Variants in GRHL2 observed in about 807,000 individuals in gnomAD.
GRHL2 encodes the protein grainyhead like transcription factor 2, also known as grainyhead-like protein 2 homolog.
GRHL2 carries 21 observed loss-of-function variants against 83.8 expected under a neutral mutation model. The observed-to-expected ratio is 0.25, with a 90% CI of 0.18 to 0.36. The LOEUF is 0.36. Ranked by LOEUF, GRHL2 falls within the 10% of genes least tolerant of loss-of-function variation. The pLI is 1.00. For missense variants in GRHL2, 623 were observed against 781.8 expected (o/e 0.80, Z 2.42); for synonymous variants, 280 against 278.9 (o/e 1.00, Z -0.04).
At position 101,657,908 on chromosome 8, in the gene GRHL2, C is replaced by T. The variant is rs148786975; in HGVS notation, c.1699-6546C>T. ...CCAAGCACTCCAAATCACCCTGTTC[C>T]GACAGAACGATCATGTGCCACACGT... On this transcript the variant is annotated intron_variant, in intron 14 of 15. Coordinates refer to ENST00000646743, the MANE Select transcript of GRHL2 (RefSeq NM_024915.4). Among the ~76,000 whole-genome samples, 684 of 152,164 alleles carry T rather than the reference C, an allele frequency of 4.5e-3. 4 individuals carry two copies. Among genetic ancestry groups the T allele is most frequent in the African/African-American group, 0.015 (619 of 41,528 alleles).
At chr8:101,587,310 G>A (rs544616635) in intron 7 of GRHL2, among the ~76,000 whole-genome samples, 25 of 152,298 alleles carry the variant, frequency 1.6e-4, no homozygotes, top group African/African-American at 5.3e-4. Context: ...AAAAGCAGAC[G>A]ATGGATGCTT....
intron 4 of GRHL2, among the ~76,000 whole-genome samples, chr8:101,565,462 C>T (rs530554950): frequency 2.0e-5 from 3 of 152,232 alleles, no homozygotes; most frequent in African/African-American, 7.2e-5. Flanking sequence ...TTATTTCTTG[C>T]TAATAAAACA....
intron 7 of GRHL2, among the ~76,000 whole-genome samples, chr8:101,593,182 A>G (rs1438566655): frequency 6.6e-6 from 1 of 152,020 alleles, no homozygotes; most frequent in Non-Finnish European, 1.5e-5. Flanking sequence ...CTGACCTCAG[A>G]TGATCCACCT....
At chr8:101,598,706 A>G (rs1235757554) in intron 7 of GRHL2, among the ~76,000 whole-genome samples, 1 of 151,804 alleles carries the variant, frequency 6.6e-6, no homozygotes, top group African/African-American at 2.4e-5. Flanking sequence ...AGCAAAATTA[A>G]GTGGCAGAAA....
At chr8:101,680,408 G>A in the GRHL2 span, among the ~76,000 whole-genome samples, 2 of 148,932 alleles carry the variant, frequency 1.3e-5, no homozygotes, top group East Asian at 4.1e-4. Flanking sequence ...CAATACAGGA[G>A]CACCCAGATT....
intron 1 of GRHL2, among the ~76,000 whole-genome samples, chr8:101,501,621 G>A (rs1010440561): frequency 3.3e-5 from 5 of 152,142 alleles, no homozygotes; most frequent in African/African-American, 9.7e-5. Flanking sequence ...CCTAGGGTGC[G>A]ACAGCATGTG....
intron 8 of GRHL2, among the ~76,000 whole-genome samples, chr8:101,606,094 A>G (rs1812627617): frequency 6.6e-6 from 1 of 152,230 alleles, no homozygotes. Context: ...ATCAGAGAAG[A>G]TGAAGCTTGC....
At chr8:101,562,116 T>G (rs1263708307) in intron 4 of GRHL2, 6 of 662,830 alleles carry the variant, frequency 9.1e-6, no homozygotes, top group South Asian at 6.8e-5. Context: ...GCTTTACTTC[T>G]TTGATATCCT....
rs1813378892 is a variant in GRHL2, at chr8:101,640,434, A to G, written c.1517+3506A>G. ...ATGAAAAGAAAGAACAAGCCAAACA[A>G]ATAATTTTCTGTAGAGAATGGTCCT... On this transcript the variant is annotated intron_variant, in intron 12 of 15. Transcript: ENST00000646743. Among the ~76,000 whole-genome samples, 3 of 152,324 alleles carry G rather than the reference A, an allele frequency of 2.0e-5. No homozygotes were observed. In the South Asian group the frequency reaches 6.2e-4, roughly 32 times the overall value.
At chr8:101,503,799 G>A (rs1189324528) in intron 1 of GRHL2, among the ~76,000 whole-genome samples, 1 of 152,148 alleles carries the variant, frequency 6.6e-6, no homozygotes, top group Non-Finnish European at 1.5e-5. Flanking sequence ...TGTTCATGAT[G>A]TATTATATCA....
In GRHL2 at chr8:101,617,247, C is replaced by T. The variant is rs114495404; in HGVS notation, c.1099-2292C>T. 5.1e-3 allele frequency among the ~76,000 whole-genome samples: 776 copies of T among 152,200 alleles called. 7 individuals are homozygous for T. Among genetic ancestry groups the T allele is most frequent in the African/African-American group, 0.017 (717 of 41,522 alleles). On this transcript the variant is annotated intron_variant, in intron 8 of 15. Transcript: ENST00000646743. The stretch of plus-strand genomic sequence containing the variant: ...CAGGCAGTGGCTGGCAGCGTGAGAG[C>T]CCAGGGGTTAGGGCATAGGGTTTCT...
chr8:101,670,028 C>G (rs1814177104), downstream of GRHL2, among the ~76,000 whole-genome samples: 2 of 152,204 alleles, frequency 1.3e-5, no homozygotes, highest in South Asian at 4.1e-4. Flanking sequence ...TGCCCATCCT[C>G]ACTCCCAGGC....
At chr8:101,562,058 A>G (rs1376585894) in intron 4 of GRHL2, 3 of 734,106 alleles carry the variant, frequency 4.1e-6, no homozygotes, top group African/African-American at 3.4e-5. Context: ...TTCTCTTCCA[A>G]CTACTTCCCT....
chr8:101,652,583 GGTGTCT>G (rs1813691742), intron 14 of GRHL2, among the ~76,000 whole-genome samples: 2 of 97,548 alleles, frequency 2.1e-5, no homozygotes, highest in Admixed American at 1.1e-4. Context: ...TGGTGTGTGT[GGTGTCT>G]GTGTGTGTGT....
At chr8:101,512,205 G>C (rs1044863338) in intron 1 of GRHL2, among the ~76,000 whole-genome samples, 1 of 151,488 alleles carries the variant, frequency 6.6e-6, no homozygotes, top group Admixed American at 6.6e-5. Flanking sequence ...AAGAAAACCT[G>C]ATTTGAGAGT....
chr8:101,548,443 C>T (rs1220886216), intron 2 of GRHL2, among the ~76,000 whole-genome samples: 1 of 152,130 alleles, frequency 6.6e-6, no homozygotes, highest in African/African-American at 2.4e-5. Context: ...GGAAGCAATG[C>T]CTACTCTGCC....
chr8:101,665,455 T>G (rs1814029205), intron 15 of GRHL2, among the ~76,000 whole-genome samples: 1 of 152,212 alleles, frequency 6.6e-6, no homozygotes, highest in Non-Finnish European at 1.5e-5. Flanking sequence ...GTTGGTTGAT[T>G]GGAGGATCTG....
chr8:101,534,941 A>G (rs1434080118), intron 1 of GRHL2, among the ~76,000 whole-genome samples: 1 of 152,192 alleles, frequency 6.6e-6, no homozygotes, highest in Non-Finnish European at 1.5e-5. Context: ...AATCCTCATC[A>G]CGGCCCAATT....
chr8:101,591,711 G>A (rs1812285718), intron 7 of GRHL2, among the ~76,000 whole-genome samples: 2 of 152,210 alleles, frequency 1.3e-5, no homozygotes, highest in African/African-American at 4.8e-5. Context: ...GCTGTGGGAG[G>A]AAGATGCTGA....
Sources: gnomAD v4.1 joint callset for allele counts (sites outside exome capture counted in the v4.1 genomes callset) on GRCh38, gnomAD v4.1.1 for gene constraint, MANE v1.5 for transcripts, NCBI Gene and HGNC (gene_info 2026-07-23, HGNC 2026-07-21) for gene names.